TMED5: variants seen among roughly 807,000 people sequenced by gnomAD.
TMED5 encodes the protein transmembrane p24 trafficking protein 5.
Under a neutral mutation model 23.0 loss-of-function variants are expected in TMED5, and 27 were observed. The ratio of observed to expected loss-of-function variants is 1.17; its 90% CI spans 0.86 to 1.62. The LOEUF (loss-of-function observed/expected upper bound fraction) is 1.62. TMED5 is among the 40% of genes most tolerant of loss of function. The pLI is 0.00. For synonymous variants in TMED5, 97 were observed against 100.8 expected (o/e 0.96, Z 0.23); for missense variants, 248 against 273.7 (o/e 0.91, Z 0.66).
At chr1:93,157,896 A>G (rs980042728) in intron 2 of TMED5, among the ~76,000 whole-genome samples, 2 of 152,242 alleles carry the variant, frequency 1.3e-5, no homozygotes, top group African/African-American at 4.8e-5. Context: ...AGGCCGAGGC[A>G]GGCAGATCAC....
rs1278553727 is a variant in TMED5, at chr1:93,154,778, T to C, written c.582A>G (p.Arg194=). ...DRNIQESNFD[R]VNFWSMVNLV... ...AATTAACCATAGACCAGAAATTGACTCTATCAAAGTTGCTTTCTTGTATGT... is the reference window on the plus strand; with the variant it reads ...AATTAACCATAGACCAGAAATTGACCCTATCAAAGTTGCTTTCTTGTATGT... Residue 194 remains arginine, a synonymous_variant, in exon 4 of 4, where the codon AGA becomes AGG. Coordinates refer to ENST00000370282, the MANE Select transcript of TMED5 (RefSeq NM_016040.5). The C allele has an allele frequency of 1.8e-5, 29 of 1,613,898 alleles. No individual in the cohort carries two copies. The highest frequency in any genetic ancestry group is 2.4e-5 in the Non-Finnish European group (28 of 1,179,922).
chr1:93,160,069 C>T (rs1648214460), intron 2 of TMED5, 60 bp downstream of exon 2: 3 of 984,448 alleles, frequency 3.0e-6, no homozygotes, highest in Non-Finnish European at 3.2e-6. Flanking sequence ...CTTTCCATGC[C>T]CTGCAGATAA....
At chr1:93,157,949 C>G (rs961165399) in intron 2 of TMED5, among the ~76,000 whole-genome samples, 5 of 151,910 alleles carry the variant, frequency 3.3e-5, no homozygotes, top group Admixed American at 3.3e-4. Flanking sequence ...ACGGTGAAAC[C>G]CCGTCTCTAC....
At chr1:93,179,526 G>A (rs552888073) in intron 1 of TMED5, among the ~76,000 whole-genome samples, 1 of 152,276 alleles carries the variant, frequency 6.6e-6, no homozygotes, top group South Asian at 2.1e-4. Flanking sequence ...TAGCAACAGC[G>A]TCTTCCAAAA....
At chr1:93,178,638 GT>G (rs1649039957) in intron 1 of TMED5, among the ~76,000 whole-genome samples, 1 of 152,072 alleles carries the variant, frequency 6.6e-6, no homozygotes, top group Non-Finnish European at 1.5e-5. Context: ...TAACTGTTCA[GT>G]AAATGTTGAA....
At chr1:93,157,295 A>G (rs551504142) in intron 2 of TMED5, among the ~76,000 whole-genome samples, 1 of 152,300 alleles carries the variant, frequency 6.6e-6, no homozygotes, top group East Asian at 1.9e-4. Context: ...TGAGAATTAA[A>G]TAAAACTAGT....
chr1:93,171,539 T>C (rs1648735101), intron 1 of TMED5, among the ~76,000 whole-genome samples: 4 of 152,214 alleles, frequency 2.6e-5, no homozygotes. Flanking sequence ...TAGGCCTGTA[T>C]CTGTTACAGA....
chr1:93,172,752 G>A lies in TMED5; in HGVS notation c.189+7302C>T, dbSNP rs139558489. On this transcript the variant is annotated intron_variant, in intron 1 of 3. Coordinates refer to ENST00000370282, the MANE Select transcript of TMED5 (RefSeq NM_016040.5). ...ATATCATCTAGTAATCTCACTTCTG[G>A]TATACATCCAAAGGAACTGAAATCA... Among the ~76,000 whole-genome samples, 225 of 152,148 alleles carry A rather than the reference G, an allele frequency of 1.5e-3. 4 individuals carry two copies. In the East Asian group the frequency reaches 0.036, roughly 25 times the overall value.
chr1:93,166,594 T>C (rs1478688455), intron 1 of TMED5, among the ~76,000 whole-genome samples: 1 of 150,276 alleles, frequency 6.7e-6, no homozygotes, highest in Non-Finnish European at 1.5e-5. Context: ...ATCTTTTGCC[T>C]ATTTTTAAAT....
Position 93,150,645 on chromosome 1 carries a change from T to C in TMED5, c.*4025A>G, listed in dbSNP as rs1572343. ...CTCTAAAATTTATCATTTGGAACTG[T>C]CTTTTCTTTCTGCAATGGTATTACG... On this transcript the variant is annotated 3_prime_UTR_variant, in exon 4 of 4. Coordinates refer to ENST00000370282, the MANE Select transcript of TMED5 (RefSeq NM_016040.5). 0.54 allele frequency: 81,488 copies of C among 152,100 alleles called. 24,601 individuals are homozygous for C. The highest frequency in any genetic ancestry group is 0.68 in the South Asian group (3,293 of 4,816). The allele number at this position is 152,100 out of a possible 1,614,324, so 9.4% of individuals were successfully genotyped here. A position where few individuals can be genotyped will look rare whatever the true frequency, so the allele number is the denominator to read the frequency against.
At chr1:93,165,726 T>C (rs764778163) in intron 1 of TMED5, among the ~76,000 whole-genome samples, 3 of 152,244 alleles carry the variant, frequency 2.0e-5, no homozygotes, top group Non-Finnish European at 4.4e-5. Context: ...ACTCTTTTAG[T>C]TATTTTAAAA....
rs1433039639 is a variant in TMED5 at position 93,153,544 on chromosome 1, C to T, written c.*1126G>A. On this transcript the variant is annotated 3_prime_UTR_variant, in exon 4 of 4. Coordinates refer to ENST00000370282, the MANE Select transcript of TMED5 (RefSeq NM_016040.5). ...CCAGCTAACTGGAAATTAATCATCTCCTTTGATTTATGTTATGAGTAGGAT... is the reference window on the plus strand; with the variant it reads ...CCAGCTAACTGGAAATTAATCATCTTCTTTGATTTATGTTATGAGTAGGAT... 1 of 152,026 alleles carries T rather than the reference C, an allele frequency of 6.6e-6. No homozygotes were observed. Among genetic ancestry groups the T allele is most frequent in the Non-Finnish European group, 1.5e-5 (1 of 67,954 alleles). 9.4% of individuals were successfully genotyped at this position (152,026 alleles called of 1,614,324 possible).
chr1:93,169,129 A>G (rs1353750547), intron 1 of TMED5, among the ~76,000 whole-genome samples: 2 of 152,204 alleles, frequency 1.3e-5, no homozygotes, highest in African/African-American at 2.4e-5. Flanking sequence ...AATCAATCCA[A>G]TGATGGCAGA....
At chr1:93,165,824 TTG>T (rs957607035) in intron 1 of TMED5, among the ~76,000 whole-genome samples, 13 of 152,330 alleles carry the variant, frequency 8.5e-5, no homozygotes, top group African/African-American at 3.1e-4. Flanking sequence ...TAGTCAACTG[TTG>T]TGTTATCAAA....
chr1:93,152,585 G>A lies in TMED5; in HGVS notation c.*2085C>T, dbSNP rs1055647331. 2 of 152,486 alleles carry A rather than the reference G, an allele frequency of 1.3e-5. No individual in the cohort carries two copies. Among genetic ancestry groups the A allele is most frequent in the African/African-American group, 4.8e-5 (2 of 41,368 alleles). 9.4% of individuals were successfully genotyped at this position (152,486 alleles called of 1,614,324 possible). A position where few individuals can be genotyped will look rare whatever the true frequency, so the allele number is the denominator to read the frequency against. ...ATGGTAAGAAGTTACTGAATCATAGGTTTAAGATCAGTGGCACAAATCATA... is the reference window on the plus strand; with the variant it reads ...ATGGTAAGAAGTTACTGAATCATAGATTTAAGATCAGTGGCACAAATCATA... On this transcript the variant is annotated 3_prime_UTR_variant, in exon 4 of 4. Coordinates refer to ENST00000370282, the MANE Select transcript of TMED5 (RefSeq NM_016040.5).
At position 93,163,189 on chromosome 1, in the gene TMED5, T is replaced by C. The variant is rs1249249026; in HGVS notation, c.190-2963A>G. ...ACCCTCCAAAAACAAAAAATATATATATTAAATCAGAAAACAAGCAATGTA... is the reference window on the plus strand; with the variant it reads ...ACCCTCCAAAAACAAAAAATATATACATTAAATCAGAAAACAAGCAATGTA... On this transcript the variant is annotated intron_variant, in intron 1 of 3. Transcript: ENST00000370282. The C allele has an allele frequency of 4.0e-5, 6 of 151,884 alleles. No individual in the cohort carries two copies. The South Asian group carries it at 1.2e-3, about 31-fold the overall frequency. The allele number at this position is 151,884 out of a possible 1,614,324, so 9.4% of individuals were successfully genotyped here. A position where few individuals can be genotyped will look rare whatever the true frequency, so the allele number is the denominator to read the frequency against.
intron 1 of TMED5, among the ~76,000 whole-genome samples, chr1:93,178,891 A>G (rs540825451): frequency 6.6e-6 from 1 of 152,348 alleles, no homozygotes; most frequent in South Asian, 2.1e-4. Flanking sequence ...ATTATAATTA[A>G]CTTCTAAAAA....
Position 93,175,292 on chromosome 1 carries a change from C to T in TMED5, c.189+4762G>A, listed in dbSNP as rs1648871703. Among the ~76,000 whole-genome samples, 3 of 124,728 alleles carry T rather than the reference C, an allele frequency of 2.4e-5. No individual in the cohort carries two copies. The South Asian group carries it at 8.0e-4, about 33-fold the overall frequency. 81.8% of individuals were successfully genotyped at this position (124,728 alleles called of 152,430 possible). A position where few individuals can be genotyped will look rare whatever the true frequency, so the allele number is the denominator to read the frequency against. Reference sequence around the variant, plus strand: ...TCCATTGTCTTGTTCCACTTACTCCCTTATGCCTATATATATATATATATA... The same window carrying T: ...TCCATTGTCTTGTTCCACTTACTCCTTTATGCCTATATATATATATATATA... On this transcript the variant is annotated intron_variant, in intron 1 of 3. Coordinates refer to ENST00000370282, the MANE Select transcript of TMED5 (RefSeq NM_016040.5).
At chr1:93,166,649 T>C (rs909135072) in intron 1 of TMED5, among the ~76,000 whole-genome samples, 3 of 152,196 alleles carry the variant, frequency 2.0e-5, no homozygotes, top group Middle Eastern at 3.2e-3. Flanking sequence ...GTTCCTTATA[T>C]ATTCTGGTTA....
Sources: gnomAD v4.1 joint callset for allele counts (sites outside exome capture counted in the v4.1 genomes callset) on GRCh38, gnomAD v4.1.1 for gene constraint, MANE v1.5 for transcripts, NCBI Gene and HGNC (gene_info 2026-07-23, HGNC 2026-07-21) for gene names.